NTM: variants seen among roughly 807,000 people sequenced by gnomAD.
NTM encodes neurotrimin.
In NTM, 13 loss-of-function variants were observed where a neutral mutation model predicts 42.1. That is an observed-to-expected ratio of 0.31 (90% CI 0.20 to 0.49). The LOEUF (loss-of-function observed/expected upper bound fraction) is 0.49. Ranked by LOEUF, NTM falls within the 20% of genes least tolerant of loss-of-function variation. The pLI, the probability that NTM is intolerant of heterozygous loss-of-function variation, is 0.99. For synonymous variants in NTM, 187 were observed against 179.2 expected, an observed-to-expected ratio of 1.04 and a Z score of -0.35; for missense variants, 373 against 452.8, an observed-to-expected ratio of 0.82 and a Z score of 1.60.
At chr11:131,459,216 C>CACGCAGGGGCCA (rs1228242324) in intron 1 of NTM, among the ~76,000 whole-genome samples, 4 of 152,232 alleles carry the variant, frequency 2.6e-5, no homozygotes, top group Non-Finnish European at 5.9e-5. Flanking sequence ...GGCCACAGGC[C>CACGCAGGGGCCA]TCTTGCTCTC....
At chr11:131,902,128 C>T (rs909453895) in intron 1 of NTM, among the ~76,000 whole-genome samples, 11 of 152,136 alleles carry the variant, frequency 7.2e-5, no homozygotes, top group Non-Finnish European at 1.0e-4. Context: ...CACAAGCATA[C>T]AGAAATGCAT....
intron 1 of NTM, among the ~76,000 whole-genome samples, chr11:131,807,237 G>A (rs2092544251): frequency 1.3e-5 from 2 of 152,140 alleles, no homozygotes; most frequent in African/African-American, 2.4e-5. Context: ...ACCACGCTTG[G>A]GAATCCAGAC....
intron 1 of NTM, among the ~76,000 whole-genome samples, chr11:131,667,054 C>A (rs116120487): frequency 0.013 from 2,037 of 152,288 alleles, 61 homozygotes; most frequent in African/African-American, 0.046. Flanking sequence ...TTGCCATGGC[C>A]TTGGTCCTCA....
rs186338396 is a variant in NTM, at chr11:132,336,646, G to C, written c.*1500G>C. The C allele has an allele frequency of 1.1e-4, 17 of 152,022 alleles. No homozygotes were observed. The East Asian group carries it at 3.3e-3, about 30-fold the overall frequency. 9.4% of individuals were successfully genotyped at this position (152,022 alleles called of 1,614,324 possible). On this transcript the variant is annotated 3_prime_UTR_variant, in exon 9 of 9. Coordinates refer to ENST00000683400, the MANE Select transcript of NTM (RefSeq NM_001352005.2). ...CCTTTGTGTGAGTGTGTATGAAAGA[G>C]AAGAAAATGCAATTTTTAGGTAATC...
intron 1 of NTM, among the ~76,000 whole-genome samples, chr11:131,677,998 A>G (rs2071730723): frequency 6.6e-6 from 1 of 152,178 alleles, no homozygotes; most frequent in Non-Finnish European, 1.5e-5. Context: ...GATGTATGCT[A>G]ATAGGCTCCA....
At chr11:131,851,532 C>CATGTGTGT (rs1555154795) in intron 1 of NTM, among the ~76,000 whole-genome samples, 13 of 146,806 alleles carry the variant, frequency 8.9e-5, no homozygotes, top group African/African-American at 3.3e-4. Context: ...GTGAGAATGG[C>CATGTGTGT]GTGTGTGTGT....
intron 1 of NTM, among the ~76,000 whole-genome samples, chr11:131,649,189 A>G (rs4937645): frequency 0.48 from 73,772 of 152,112 alleles, 21,726 homozygotes; most frequent in East Asian, 0.78. Flanking sequence ...CCCAGATCCT[A>G]AGCAATAATG....
intron 4 of NTM, among the ~76,000 whole-genome samples, chr11:132,275,445 G>A (rs748322126): frequency 1.3e-5 from 2 of 151,818 alleles, no homozygotes; most frequent in Non-Finnish European, 2.9e-5. Flanking sequence ...TAACTTTCTA[G>A]TAAGGACTTA....
chr11:131,378,140 G>A (rs923813107), intron 1 of NTM, among the ~76,000 whole-genome samples: 4 of 152,108 alleles, frequency 2.6e-5, no homozygotes, highest in African/African-American at 9.7e-5. Context: ...CCCTTTGAAT[G>A]GGACCCTACA....
At chr11:131,765,046 G>A (rs978913111) in intron 1 of NTM, among the ~76,000 whole-genome samples, 4 of 152,052 alleles carry the variant, frequency 2.6e-5, no homozygotes, top group South Asian at 2.1e-4. Context: ...GAACCCAGCC[G>A]GCGCTTCTCC....
chr11:131,634,362 G>C lies in NTM; in HGVS notation c.82+263474G>C, dbSNP rs2064097395. On this transcript the variant is annotated intron_variant, in intron 1 of 8. Coordinates refer to ENST00000683400, the MANE Select transcript of NTM (RefSeq NM_001352005.2). ...AAAATAAATTCTAATAACTCTTCTTGAAAGAGCTGCTCAGAGGAAATTTCA... is the reference window on the plus strand; with the variant it reads ...AAAATAAATTCTAATAACTCTTCTTCAAAGAGCTGCTCAGAGGAAATTTCA... 2.0e-5 allele frequency among the ~76,000 whole-genome samples: 3 copies of C among 149,870 alleles called. No individual in the cohort carries two copies. The Admixed American group carries it at 2.0e-4, about 10-fold the overall frequency.
intron 1 of NTM, among the ~76,000 whole-genome samples, chr11:131,756,438 T>C (rs1165392727): frequency 6.6e-6 from 1 of 151,364 alleles, no homozygotes; most frequent in East Asian, 1.9e-4. Flanking sequence ...GCAGGTCAAT[T>C]GCTTGAACTC....
intron 7 of NTM, among the ~76,000 whole-genome samples, chr11:132,318,497 C>CACTT (rs944137727): frequency 3.3e-5 from 5 of 152,160 alleles, no homozygotes; most frequent in African/African-American, 1.2e-4. Context: ...CATCCTCTTC[C>CACTT]ACTTCCAGTC....
chr11:132,304,686 G>T (rs1242994372), intron 4 of NTM, among the ~76,000 whole-genome samples: 4 of 152,098 alleles, frequency 2.6e-5, no homozygotes, highest in South Asian at 4.1e-4. Flanking sequence ...TAGAGAAAAA[G>T]GTGGGTGAGG....
chr11:131,828,993 T>C (rs1359880630), intron 1 of NTM, among the ~76,000 whole-genome samples: 1 of 151,982 alleles, frequency 6.6e-6, no homozygotes, highest in Non-Finnish European at 1.5e-5. Flanking sequence ...TCTCTCTGTC[T>C]CTCTCTGCCT....
At chr11:132,268,594 G>A (rs1288232953) in intron 4 of NTM, among the ~76,000 whole-genome samples, 1 of 151,628 alleles carries the variant, frequency 6.6e-6, no homozygotes, top group Non-Finnish European at 1.5e-5. Context: ...TGGTGTGGAT[G>A]TGTGGAGTGT....
At chr11:131,671,024 T>A (rs1332809275) in intron 1 of NTM, among the ~76,000 whole-genome samples, 1 of 152,152 alleles carries the variant, frequency 6.6e-6, no homozygotes, top group Non-Finnish European at 1.5e-5. Flanking sequence ...TCCTGCTCTG[T>A]CCTTTCTCAC....
chr11:131,755,735 G>A lies in NTM; in HGVS notation c.83-155829G>A, dbSNP rs567168042. 1.7e-4 allele frequency among the ~76,000 whole-genome samples: 26 copies of A among 152,284 alleles called. No homozygotes were observed. The South Asian group carries it at 3.3e-3, about 19-fold the overall frequency. On this transcript the variant is annotated intron_variant, in intron 1 of 8. Coordinates refer to ENST00000683400, the MANE Select transcript of NTM (RefSeq NM_001352005.2). ...TATAAAGCTATTCACATAGAAAATA[G>A]GGAGCAACACTCTATAGTGAAAGTA...
chr11:131,937,567 T>A (rs2059360011), intron 2 of NTM, among the ~76,000 whole-genome samples: 1 of 152,170 alleles, frequency 6.6e-6, no homozygotes. Flanking sequence ...AATAGCAAAG[T>A]CTTTCATATA....
Sources: allele counts gnomAD v4.1 joint callset (sites outside exome capture counted in the v4.1 genomes callset), GRCh38; gene constraint gnomAD v4.1.1; transcripts MANE v1.5; gene names NCBI Gene and HGNC (gene_info 2026-07-23, HGNC 2026-07-21).